MLLT3: variants seen among roughly 807,000 people sequenced by gnomAD.
MLLT3 encodes MLLT3 super elongation complex subunit, also known as protein AF-9.
Under a neutral mutation model 53.2 loss-of-function variants are expected in MLLT3, and 4 were observed. The ratio of observed to expected loss-of-function variants is 0.08; its 90% CI spans 0.04 to 0.17. MLLT3 has a LOEUF of 0.17. Ranked by LOEUF, MLLT3 falls within the 10% of genes least tolerant of loss-of-function variation. The pLI is 1.00. For missense variants in MLLT3, 569 were observed against 684.0 expected, an observed-to-expected ratio of 0.83 and a Z score of 1.87; for synonymous variants, 283 against 230.6, an observed-to-expected ratio of 1.23 and a Z score of -2.06.
intron 2 of MLLT3, among the ~76,000 whole-genome samples, chr9:20,560,685 G>A (rs1054467624): frequency 1.3e-5 from 2 of 152,138 alleles, no homozygotes; most frequent in African/African-American, 2.4e-5. Context: ...ATTGTGGGCG[G>A]GGAGCATTGT....
At chr9:20,519,986 G>A (rs916917292) in intron 2 of MLLT3, among the ~76,000 whole-genome samples, 2 of 152,098 alleles carry the variant, frequency 1.3e-5, no homozygotes, top group African/African-American at 4.8e-5. Context: ...AGAAAATATG[G>A]TACATATATG....
rs1411669754 is a variant in MLLT3 at position 20,432,001 on chromosome 9, A to G, written c.420+16122T>C. Among the ~76,000 whole-genome samples, 4 of 152,274 alleles carry G rather than the reference A, an allele frequency of 2.6e-5. No homozygotes were observed. The East Asian group carries it at 5.8e-4, about 22-fold the overall frequency. On this transcript the variant is annotated intron_variant, in intron 4 of 10. Coordinates refer to ENST00000380338, the MANE Select transcript of MLLT3 (RefSeq NM_004529.4). ...TTAGGAAGGTAATTATATCGAGAGA[A>G]GGCAAAGGAATCGAGTGAGAGGCAT...
chr9:20,521,669 G>C (rs1314123958), intron 2 of MLLT3, among the ~76,000 whole-genome samples: 1 of 152,142 alleles, frequency 6.6e-6, no homozygotes. Flanking sequence ...TAAGCAGGAA[G>C]AAATGGTAAG....
chr9:20,585,445 G>A (rs1436536099), intron 2 of MLLT3, among the ~76,000 whole-genome samples: 1 of 152,146 alleles, frequency 6.6e-6, no homozygotes, highest in Non-Finnish European at 1.5e-5. Flanking sequence ...CACAAAAACA[G>A]TCAGTCCACA....
chr9:20,575,027 C>T (rs920082567), intron 2 of MLLT3, among the ~76,000 whole-genome samples: 9 of 152,182 alleles, frequency 5.9e-5, no homozygotes, highest in Non-Finnish European at 1.2e-4. Context: ...AGAAGCAACT[C>T]CTCATCTGTT....
rs141382664 is a variant in MLLT3, at chr9:20,413,037, T to G, written c.1125+684A>C. Among the ~76,000 whole-genome samples the G allele has an allele frequency of 9.6e-3, 1,461 of 152,242 alleles. 23 individuals are homozygous for G. The highest frequency in any genetic ancestry group is 0.033 in the African/African-American group (1,363 of 41,550). On this transcript the variant is annotated intron_variant, in intron 5 of 10. Transcript: ENST00000380338. ...ATCCACAAAGGATAATCCTACCCAT[T>G]AGCAAAAACTTGTAGTGAATGAAGA...
chr9:20,601,750 G>A (rs1044849091), intron 2 of MLLT3, among the ~76,000 whole-genome samples: 2 of 152,066 alleles, frequency 1.3e-5, no homozygotes. Context: ...GAAGCAATTT[G>A]CATTTACAGC....
intron 3 of MLLT3, among the ~76,000 whole-genome samples, chr9:20,452,301 G>C (rs913480981): frequency 6.6e-6 from 1 of 152,144 alleles, no homozygotes; most frequent in East Asian, 1.9e-4. Flanking sequence ...CCCTCATGCT[G>C]TTCTCATGAT....
intron 2 of MLLT3, among the ~76,000 whole-genome samples, chr9:20,489,301 T>C (rs1200676133): frequency 1.3e-5 from 2 of 152,224 alleles, no homozygotes; most frequent in East Asian, 3.8e-4. Flanking sequence ...GGCAGGCCTA[T>C]GTAAATATCC....
At chr9:20,395,474 C>T (rs1285090264) in intron 5 of MLLT3, among the ~76,000 whole-genome samples, 1 of 152,100 alleles carries the variant, frequency 6.6e-6, no homozygotes, top group Non-Finnish European at 1.5e-5. Flanking sequence ...TGTAAAGTGG[C>T]ATTTTATGTG....
chr9:20,584,479 T>C (rs900442320), intron 2 of MLLT3, among the ~76,000 whole-genome samples: 1 of 152,168 alleles, frequency 6.6e-6, no homozygotes, highest in Non-Finnish European at 1.5e-5. Flanking sequence ...GATAAAGACA[T>C]ACCCATTTCA....
Position 20,502,276 on chromosome 9 carries a change from G to T in MLLT3, c.194-45490C>A, listed in dbSNP as rs74428911. Reference sequence around the variant, plus strand: ...AAGTGTGGTTCCAGGTGCCTACCTTGTTAGCCTCATGACCAGCCACAAAGA... The same window carrying T: ...AAGTGTGGTTCCAGGTGCCTACCTTTTTAGCCTCATGACCAGCCACAAAGA... On this transcript the variant is annotated intron_variant, in intron 2 of 10. Coordinates refer to ENST00000380338, the MANE Select transcript of MLLT3 (RefSeq NM_004529.4). 7.2e-3 allele frequency: 1,109 copies of T among 154,302 alleles called. 6 individuals carry two copies. Among genetic ancestry groups the T allele is most frequent in the Middle Eastern group, 0.016 (30 of 1,914 alleles). The allele number at this position is 154,302 out of a possible 1,614,324, so 9.6% of individuals were successfully genotyped here.
intron 2 of MLLT3, among the ~76,000 whole-genome samples, chr9:20,571,244 A>G (rs1241366661): frequency 6.6e-6 from 1 of 152,244 alleles, no homozygotes; most frequent in Admixed American, 6.5e-5. Flanking sequence ...AACAAAAGCA[A>G]AACTACACAA....
intron 5 of MLLT3, among the ~76,000 whole-genome samples, chr9:20,385,261 A>C (rs1332446605): frequency 1.3e-5 from 2 of 152,126 alleles, no homozygotes; most frequent in Non-Finnish European, 2.9e-5. Context: ...AACTGACCCT[A>C]AACTTTGTGT....
chr9:20,345,321 T>C lies in MLLT3; in HGVS notation c.*1122A>G, dbSNP rs1820838178. On this transcript the variant is annotated 3_prime_UTR_variant, in exon 11 of 11. Transcript: ENST00000380338. Reference sequence around the variant, plus strand: ...AGAAAGATTTTAATTTTTTCAAATATAAAAGTGTCTAAGAGAATCATATGT... The same window carrying C: ...AGAAAGATTTTAATTTTTTCAAATACAAAAGTGTCTAAGAGAATCATATGT... 9.5e-6 allele frequency: 2 copies of C among 211,380 alleles called. No homozygotes were observed. Among genetic ancestry groups the C allele is most frequent in the African/African-American group, 4.5e-5 (2 of 44,134 alleles). The allele number at this position is 211,380 out of a possible 1,614,324, so 13.1% of individuals were successfully genotyped here. A position where few individuals can be genotyped will look rare whatever the true frequency, so the allele number is the denominator to read the frequency against.
At chr9:20,368,094 A>G (rs796756043) in intron 5 of MLLT3, among the ~76,000 whole-genome samples, 7 of 152,330 alleles carry the variant, frequency 4.6e-5, no homozygotes, top group Admixed American at 1.3e-4. Flanking sequence ...TTACTTGAGT[A>G]CTGTAGCACA....
rs1820772895 is a variant in MLLT3 at position 20,342,933 on chromosome 9, C to G, written c.*3510G>C. On this transcript the variant is annotated 3_prime_UTR_variant, in exon 11 of 11. Coordinates refer to ENST00000380338, the MANE Select transcript of MLLT3 (RefSeq NM_004529.4). ...AAAGTAATAAGCATACAGCAAATTA[C>G]TCCAGAGCAGATCACTTCTACAGTG... is the stretch of plus-strand genomic sequence containing the variant. 1 of 188,432 alleles carries G rather than the reference C, an allele frequency of 5.3e-6. No individual in the cohort carries two copies. Among genetic ancestry groups the G allele is most frequent in the South Asian group, 2.0e-4 (1 of 5,112 alleles). 11.7% of individuals were successfully genotyped at this position (188,432 alleles called of 1,614,324 possible). A position where few individuals can be genotyped will look rare whatever the true frequency, so the allele number is the denominator to read the frequency against.
chr9:20,528,530 A>C (rs1156905232), intron 2 of MLLT3, among the ~76,000 whole-genome samples: 1 of 152,258 alleles, frequency 6.6e-6, no homozygotes, highest in African/African-American at 2.4e-5. Flanking sequence ...TCAAGGTTTC[A>C]TCAGAGCTGC....
intron 2 of MLLT3, among the ~76,000 whole-genome samples, chr9:20,516,935 T>G (rs10811360): frequency 0.2 from 30,481 of 152,192 alleles, 3,089 homozygotes; most frequent in Middle Eastern, 0.25. Flanking sequence ...CTAGAAATTT[T>G]CAGTAATATG....
Sources: gnomAD v4.1 joint callset for allele counts (sites outside exome capture counted in the v4.1 genomes callset) on GRCh38, gnomAD v4.1.1 for gene constraint, MANE v1.5 for transcripts, NCBI Gene and HGNC (gene_info 2026-07-23, HGNC 2026-07-21) for gene names.